CNTN4: variants seen among roughly 807,000 people sequenced by gnomAD.
CNTN4 encodes the protein contactin-4.
CNTN4 carries 77 observed loss-of-function variants against 122.5 expected under a neutral mutation model. The ratio of observed to expected loss-of-function variants is 0.63; its 90% CI spans 0.52 to 0.76. The LOEUF (loss-of-function observed/expected upper bound fraction) is 0.76, where lower values mean the gene tolerates loss of function less well. Ranked by LOEUF, CNTN4 falls within the 30% of genes least tolerant of loss-of-function variation. The pLI is 0.00. For synonymous variants in CNTN4, 512 were observed against 447.0 expected, an observed-to-expected ratio of 1.15 and a Z score of -1.83; for missense variants, 1,256 against 1,259.1, an observed-to-expected ratio of 1.00 and a Z score of 0.04.
At position 2,188,456 on chromosome 3, in the gene CNTN4, T is replaced by C. The variant is rs544075125; in HGVS notation, c.-145+87817T>C. ...AAAGGTCAAGTTCTCCTGAGGAAGATTGGGAGCTGGAGGGATGGAGGCTTC... is the reference window on the plus strand; with the variant it reads ...AAAGGTCAAGTTCTCCTGAGGAAGACTGGGAGCTGGAGGGATGGAGGCTTC... On this transcript the variant is annotated intron_variant, in intron 2 of 24. Coordinates refer to ENST00000418658, the MANE Select transcript of CNTN4 (RefSeq NM_175607.3). Among the ~76,000 whole-genome samples, 49 of 152,238 alleles carry C rather than the reference T, an allele frequency of 3.2e-4. No individual in the cohort carries two copies. The Middle Eastern group carries it at 0.01, about 32-fold the overall frequency.
At chr3:2,526,109 C>A (rs1440610900) in intron 3 of CNTN4, among the ~76,000 whole-genome samples, 1 of 152,082 alleles carries the variant, frequency 6.6e-6, no homozygotes, top group Non-Finnish European at 1.5e-5. Flanking sequence ...ATCCCGCCCA[C>A]CCTCCTAACA....
intron 2 of CNTN4, among the ~76,000 whole-genome samples, chr3:2,334,687 G>A (rs1340884157): frequency 6.6e-6 from 1 of 152,116 alleles, no homozygotes. Flanking sequence ...GTAATCAATG[G>A]TGATCACATA....
intron 14 of CNTN4, among the ~76,000 whole-genome samples, chr3:3,022,550 G>C (rs1450046371): frequency 6.6e-6 from 1 of 152,164 alleles, no homozygotes. Flanking sequence ...ATAAGGCTTG[G>C]ATAAGTGTTG....
At chr3:2,569,791 A>G (rs2079338533) in intron 3 of CNTN4, among the ~76,000 whole-genome samples, 1 of 152,104 alleles carries the variant, frequency 6.6e-6, no homozygotes, top group East Asian at 1.9e-4. Flanking sequence ...ATGAATAGGT[A>G]GCACTCTGCT....
At chr3:2,646,038 G>C (rs1576331329) in intron 4 of CNTN4, among the ~76,000 whole-genome samples, 1 of 152,106 alleles carries the variant, frequency 6.6e-6, no homozygotes, top group East Asian at 1.9e-4. Flanking sequence ...CTTAGTATTT[G>C]TTTGTTTCTT....
At chr3:2,858,908 TGGC>T (rs1460429191) in intron 7 of CNTN4, among the ~76,000 whole-genome samples, 2 of 152,234 alleles carry the variant, frequency 1.3e-5, no homozygotes, top group Non-Finnish European at 2.9e-5. Flanking sequence ...ATTTTTTCTA[TGGC>T]AAGAACTTTG....
At chr3:2,814,415 T>G (rs953324257) in intron 6 of CNTN4, among the ~76,000 whole-genome samples, 1 of 152,002 alleles carries the variant, frequency 6.6e-6, no homozygotes, top group African/African-American at 2.4e-5. Flanking sequence ...GCAATCCTGC[T>G]TCTTAATAGA....
chr3:2,304,700 T>G (rs1394424591), intron 2 of CNTN4, among the ~76,000 whole-genome samples: 1 of 151,604 alleles, frequency 6.6e-6, no homozygotes, highest in Non-Finnish European at 1.5e-5. Context: ...ATTCCCAGTT[T>G]GTTTGCTCAA....
intron 6 of CNTN4, among the ~76,000 whole-genome samples, chr3:2,749,174 T>G (rs2089961509): frequency 6.6e-6 from 1 of 152,148 alleles, no homozygotes; most frequent in African/African-American, 2.4e-5. Context: ...TTTGTTTTTT[T>G]ATTTTTTGAG....
intron 3 of CNTN4, among the ~76,000 whole-genome samples, chr3:2,554,841 CA>C (rs2078655837): frequency 6.6e-6 from 1 of 152,140 alleles, no homozygotes. Context: ...CTAAACATGA[CA>C]GGGGCCCCAA....
chr3:2,352,380 G>C (rs927731891), intron 3 of CNTN4, among the ~76,000 whole-genome samples: 9 of 152,178 alleles, frequency 5.9e-5, no homozygotes, highest in Non-Finnish European at 1.0e-4. Flanking sequence ...CTCTGCTTGT[G>C]GGGAGGTGTG....
chr3:2,368,080 T>A (rs966200106), intron 3 of CNTN4, among the ~76,000 whole-genome samples: 14 of 145,674 alleles, frequency 9.6e-5, no homozygotes, highest in African/African-American at 3.1e-4. Context: ...TCGCCCAGGC[T>A]GGAGTGCAGT....
intron 2 of CNTN4, among the ~76,000 whole-genome samples, chr3:2,120,383 ATATATATATATATATATATATATTTT>A (rs1559260785): frequency 6.7e-5 from 4 of 59,804 alleles, no homozygotes; most frequent in African/African-American, 2.9e-4. Context: ...AAATATATAT[ATATATATATATATATATATATATTTT>A]TTTTTTTTTT....
At chr3:2,369,136 G>A (rs1026791999) in intron 3 of CNTN4, among the ~76,000 whole-genome samples, 9 of 151,962 alleles carry the variant, frequency 5.9e-5, no homozygotes, top group Admixed American at 2.0e-4. Flanking sequence ...TGTTGGCCAG[G>A]CTGGTCTCGA....
At chr3:2,536,595 T>C (rs2077817537) in intron 3 of CNTN4, among the ~76,000 whole-genome samples, 1 of 151,762 alleles carries the variant, frequency 6.6e-6, no homozygotes, top group Non-Finnish European at 1.5e-5. Flanking sequence ...TAATTTTTTT[T>C]TTTTTTTTGG....
chr3:2,411,951 A>G (rs1348983088), intron 3 of CNTN4, among the ~76,000 whole-genome samples: 1 of 152,092 alleles, frequency 6.6e-6, no homozygotes, highest in African/African-American at 2.4e-5. Context: ...TTAACTTTAA[A>G]AGTTCTCTTT....
At chr3:2,589,517 G>A (rs1164825935) in intron 4 of CNTN4, among the ~76,000 whole-genome samples, 2 of 152,156 alleles carry the variant, frequency 1.3e-5, no homozygotes, top group African/African-American at 2.4e-5. Context: ...CCACAAAGAT[G>A]ATATCTGAAT....
At chr3:2,283,702 C>T (rs1383619452) in intron 2 of CNTN4, among the ~76,000 whole-genome samples, 1 of 152,066 alleles carries the variant, frequency 6.6e-6, no homozygotes, top group Admixed American at 6.6e-5. Context: ...TAACTTCTTT[C>T]TTCTATCCAG....
intron 2 of CNTN4, among the ~76,000 whole-genome samples, chr3:2,183,693 G>A (rs2037121938): frequency 6.6e-6 from 1 of 152,148 alleles, no homozygotes; most frequent in Admixed American, 6.5e-5. Flanking sequence ...CTGGGCAAGA[G>A]AACAGCTCTT....
Sources: allele counts gnomAD v4.1 joint callset (sites outside exome capture counted in the v4.1 genomes callset), GRCh38; gene constraint gnomAD v4.1.1; transcripts MANE v1.5; gene names NCBI Gene and HGNC (gene_info 2026-07-23, HGNC 2026-07-21).